CDH18: variants seen among roughly 807,000 people sequenced by gnomAD.
CDH18 encodes cadherin-18.
CDH18 carries 31 observed loss-of-function variants against 67.9 expected under a neutral mutation model. The ratio of observed to expected loss-of-function variants is 0.46; its 90% CI spans 0.34 to 0.62. The LOEUF (loss-of-function observed/expected upper bound fraction) is 0.62, where lower values mean the gene tolerates loss of function less well. CDH18 is among the 20% of genes least tolerant of loss of function. CDH18 has a pLI of 0.01. For synonymous variants in CDH18, 362 were observed against 347.2 expected, an observed-to-expected ratio of 1.04 and a Z score of -0.48; for missense variants, 890 against 975.5, an observed-to-expected ratio of 0.91 and a Z score of 1.17.
chr5:19,739,491 G>A (rs1195742877), intron 4 of CDH18, among the ~76,000 whole-genome samples: 2 of 152,208 alleles, frequency 1.3e-5, no homozygotes, highest in Admixed American at 6.5e-5. Context: ...TGACTACAGC[G>A]CAATGTATGA....
At chr5:20,321,435 C>T (rs1738011594) in intron 1 of CDH18, among the ~76,000 whole-genome samples, 1 of 151,994 alleles carries the variant, frequency 6.6e-6, no homozygotes, top group Non-Finnish European at 1.5e-5. Flanking sequence ...TACCCAATTC[C>T]TTCTAGCTTG....
intron 7 of CDH18, among the ~76,000 whole-genome samples, chr5:19,590,138 A>C (rs1230858150): frequency 6.6e-6 from 1 of 152,122 alleles, no homozygotes; most frequent in African/African-American, 2.4e-5. Context: ...GAACATAGCA[A>C]CTGACACATT....
intron 2 of CDH18, among the ~76,000 whole-genome samples, chr5:20,120,822 C>T (rs1229334752): frequency 6.6e-6 from 1 of 152,132 alleles, no homozygotes; most frequent in East Asian, 1.9e-4. Context: ...ACATTAGCAA[C>T]ACTGGTTTCC....
At chr5:19,874,852 T>C (rs1001256877) in intron 2 of CDH18, among the ~76,000 whole-genome samples, 1 of 152,202 alleles carries the variant, frequency 6.6e-6, no homozygotes, top group Non-Finnish European at 1.5e-5. Context: ...TTTAAGTTTC[T>C]GGTTGCAATT....
intron 2 of CDH18, among the ~76,000 whole-genome samples, chr5:20,067,374 C>T (rs1464300534): frequency 6.6e-6 from 1 of 151,324 alleles, no homozygotes; most frequent in Non-Finnish European, 1.5e-5. Flanking sequence ...ATTATTTGGT[C>T]TTTTGCTGTA....
chr5:19,493,611 T>C (rs1741835486), intron 11 of CDH18, among the ~76,000 whole-genome samples: 2 of 152,010 alleles, frequency 1.3e-5, no homozygotes, highest in African/African-American at 4.8e-5. Context: ...AATAAGTGAA[T>C]ATATTCATAT....
chr5:20,239,491 G>T (rs1255469609), intron 2 of CDH18, among the ~76,000 whole-genome samples: 1 of 151,754 alleles, frequency 6.6e-6, no homozygotes, highest in African/African-American at 2.4e-5. Context: ...AAGAAGTTCC[G>T]GTAAATGCAA....
intron 3 of CDH18, among the ~76,000 whole-genome samples, chr5:19,783,423 T>C (rs145017165): frequency 9.4e-4 from 143 of 152,330 alleles, no homozygotes; most frequent in African/African-American, 3.3e-3. Flanking sequence ...ATTTCCATTT[T>C]AATATATTAC....
At chr5:20,376,353 G>T (rs1437623644) in intron 1 of CDH18, among the ~76,000 whole-genome samples, 2 of 151,524 alleles carry the variant, frequency 1.3e-5, no homozygotes, top group East Asian at 2.0e-4. Flanking sequence ...TTCCCAAAGT[G>T]CTGGGATTAC....
At chr5:19,858,508 G>A (rs995393863) in intron 2 of CDH18, among the ~76,000 whole-genome samples, 9 of 152,136 alleles carry the variant, frequency 5.9e-5, no homozygotes, top group Admixed American at 2.6e-4. Context: ...GCATATAAAC[G>A]AACTCAGAAA....
intron 2 of CDH18, among the ~76,000 whole-genome samples, chr5:19,966,965 C>A (rs1797504507): frequency 6.6e-6 from 1 of 151,646 alleles, no homozygotes; most frequent in African/African-American, 2.4e-5. Context: ...TAATACCAAA[C>A]CCATTAATTA....
chr5:20,068,643 A>G (rs1580167171), intron 2 of CDH18, among the ~76,000 whole-genome samples: 2 of 152,312 alleles, frequency 1.3e-5, no homozygotes, highest in Admixed American at 1.3e-4. Flanking sequence ...AATTAAAATA[A>G]GGATAATAAA....
At chr5:20,243,497 T>A (rs1018667968) in intron 2 of CDH18, among the ~76,000 whole-genome samples, 22 of 152,182 alleles carry the variant, frequency 1.4e-4, no homozygotes, top group African/African-American at 5.3e-4. Flanking sequence ...AACAAAGACA[T>A]TTTTTCACAT....
chr5:19,501,335 G>T (rs1579839731), intron 11 of CDH18, among the ~76,000 whole-genome samples: 1 of 150,004 alleles, frequency 6.7e-6, no homozygotes, highest in East Asian at 2.0e-4. Context: ...AGGGGCAGAG[G>T]CTTATTCCTG....
chr5:19,846,774 A>G (rs1783012331), intron 2 of CDH18, among the ~76,000 whole-genome samples: 1 of 152,116 alleles, frequency 6.6e-6, no homozygotes. Context: ...TTCACTTCAA[A>G]TAAAAGACTC....
chr5:20,399,810 A>T (rs767081161), intron 1 of CDH18, among the ~76,000 whole-genome samples: 3 of 152,178 alleles, frequency 2.0e-5, no homozygotes, highest in Non-Finnish European at 2.9e-5. Flanking sequence ...GAGTGAAATT[A>T]TTATCTTCTT....
intron 2 of CDH18, among the ~76,000 whole-genome samples, chr5:20,184,447 A>C (rs1039771122): frequency 3.3e-5 from 5 of 152,118 alleles, no homozygotes; most frequent in African/African-American, 1.2e-4. Flanking sequence ...AATCACAAAA[A>C]GAAAACGATG....
At chr5:19,731,069 A>G (rs1199652351) in intron 4 of CDH18, among the ~76,000 whole-genome samples, 1 of 152,106 alleles carries the variant, frequency 6.6e-6, no homozygotes, top group Non-Finnish European at 1.5e-5. Flanking sequence ...AAGATTTTTT[A>G]TTCTGTTACA....
At chr5:19,792,307 C>A (rs1024693042) in intron 3 of CDH18, among the ~76,000 whole-genome samples, 1 of 152,130 alleles carries the variant, frequency 6.6e-6, no homozygotes, top group Non-Finnish European at 1.5e-5. Context: ...TGCCCTCCGA[C>A]CTCAGAGCTC....
Sources: allele counts gnomAD v4.1 joint callset (sites outside exome capture counted in the v4.1 genomes callset), GRCh38; gene constraint gnomAD v4.1.1; transcripts MANE v1.5; gene names NCBI Gene and HGNC (gene_info 2026-07-23, HGNC 2026-07-21).